Variants in MCF2L2 observed in about 807,000 individuals in gnomAD.
MCF2L2 encodes the protein probable guanine nucleotide exchange factor MCF2L2.
Under a neutral mutation model 150.2 loss-of-function variants are expected in MCF2L2, and 102 were observed. That is an observed-to-expected ratio of 0.68 (90% CI 0.58 to 0.80). The LOEUF is 0.80. Among genes scored for constraint, MCF2L2 ranks in the 30% least tolerant of loss-of-function variants. The pLI, the probability that MCF2L2 is intolerant of heterozygous loss-of-function variation, is 0.00. For synonymous variants in MCF2L2, 465 were observed against 491.3 expected, an observed-to-expected ratio of 0.95 and a Z score of 0.71; for missense variants, 1,256 against 1,372.8, an observed-to-expected ratio of 0.91 and a Z score of 1.34.
chr3:183,180,750 C>T (rs1483088950), intron 27 of MCF2L2, among the ~76,000 whole-genome samples: 2 of 152,240 alleles, frequency 1.3e-5, no homozygotes, highest in Admixed American at 6.5e-5. Context: ...TGAACAACTG[C>T]CCTGTGCCTG....
At chr3:183,272,378 T>C in intron 15 of MCF2L2, 1 of 1,000,244 alleles carries the variant, frequency 1.0e-6, no homozygotes, top group East Asian at 1.1e-4. Context: ...GAGGCACCTG[T>C]TAGGGAAAAT....
intron 3 of MCF2L2, among the ~76,000 whole-genome samples, chr3:183,346,709 A>G (rs1730912677): frequency 6.6e-6 from 1 of 152,238 alleles, no homozygotes; most frequent in African/African-American, 2.4e-5. Context: ...CAACTTCAGC[A>G]AAGTCTCAGG....
Position 183,278,210 on chromosome 3 carries a change from A to T in MCF2L2, c.1777-1253T>A, listed in dbSNP as rs191223658. On this transcript the variant is annotated intron_variant, in intron 14 of 29. Transcript: ENST00000328913. ...AAAGAAAAAATATATATATATATAT[A>T]TTTTTTATTATATTGTTTATTAAAC... Among the ~76,000 whole-genome samples, 1,278 of 146,930 alleles carry T rather than the reference A, an allele frequency of 8.7e-3. 13 individuals are homozygous for T. The highest frequency in any genetic ancestry group is 0.029 in the African/African-American group (1,101 of 38,536).
At chr3:183,341,688 C>G in intron 3 of MCF2L2, 58 bp from the exon 4 acceptor site, 5 of 1,205,272 alleles carry the variant, frequency 4.1e-6, no homozygotes, top group Non-Finnish European at 6.2e-6. Context: ...CTCCATGTGG[C>G]TCCCACAGCA....
chr3:183,400,451 T>A (rs904127106), intron 1 of MCF2L2: 6 of 456,486 alleles, frequency 1.3e-5, no homozygotes, highest in Non-Finnish European at 2.6e-5. Flanking sequence ...AAGGTGAGTA[T>A]CTAGGATCTT....
intron 19 of MCF2L2, among the ~76,000 whole-genome samples, chr3:183,223,646 A>G (rs1438480343): frequency 6.6e-6 from 1 of 152,224 alleles, no homozygotes; most frequent in Non-Finnish European, 1.5e-5. Context: ...GGCTCGGCTA[A>G]TATTTTTACA....
chr3:183,224,401 G>C, intron 18 of MCF2L2: 1 of 508,590 alleles, frequency 2.0e-6, no homozygotes, highest in Non-Finnish European at 3.5e-6. Flanking sequence ...GACATAGATA[G>C]GCACAGAGTG....
At chr3:183,311,424 A>G (rs879161221) in intron 8 of MCF2L2, among the ~76,000 whole-genome samples, 5 of 152,208 alleles carry the variant, frequency 3.3e-5, no homozygotes, top group Non-Finnish European at 7.3e-5. Flanking sequence ...GGGTGGGAAC[A>G]TGTCATATAC....
At chr3:183,215,899 G>T (rs1025961850) in intron 22 of MCF2L2, 70 bp downstream of exon 22, 12 of 1,503,654 alleles carry the variant, frequency 8.0e-6, no homozygotes, top group Non-Finnish European at 1.1e-5. Context: ...CTTTGCCAGA[G>T]CATTTCCTCA....
At chr3:183,331,693 G>A (rs967076214) in intron 5 of MCF2L2, among the ~76,000 whole-genome samples, 51 of 152,138 alleles carry the variant, frequency 3.4e-4, no homozygotes, top group African/African-American at 1.2e-3. Context: ...TATGAGTACA[G>A]CTGTTCCAGA....
chr3:183,230,254 C>T (rs983626608), intron 16 of MCF2L2, among the ~76,000 whole-genome samples: 13 of 152,142 alleles, frequency 8.5e-5, no homozygotes, highest in African/African-American at 2.7e-4. Flanking sequence ...GCTGGAATTA[C>T]AGGCACACAC....
intron 1 of MCF2L2, among the ~76,000 whole-genome samples, chr3:183,423,444 A>G (rs16857455): frequency 6.6e-6 from 1 of 152,098 alleles, no homozygotes; most frequent in African/African-American, 2.4e-5. Flanking sequence ...GTTTCAAAGG[A>G]TATTCTTTTC....
chr3:183,221,137 G>A (rs1723134867), intron 20 of MCF2L2, among the ~76,000 whole-genome samples: 1 of 152,142 alleles, frequency 6.6e-6, no homozygotes, highest in Non-Finnish European at 1.5e-5. Flanking sequence ...TTCTTTGCAG[G>A]CACGTAATGG....
chr3:183,412,272 A>ATTGT lies in MCF2L2; in HGVS notation c.76+15626_76+15629dup, dbSNP rs543942827. Among the ~76,000 whole-genome samples, 91 of 149,920 alleles carry ATTGT rather than the reference A, an allele frequency of 6.1e-4. 1 individual carries two copies. In the South Asian group the frequency reaches 0.014, roughly 23 times the overall value. On this transcript the variant is annotated intron_variant, in intron 1 of 29. Coordinates refer to ENST00000328913, the MANE Select transcript of MCF2L2 (RefSeq NM_015078.4). ...ACAGCTACTTGCAGGCTCTTCTCTAATTGTTTGTTTGTTTGTTTGTTGTTG... is the reference window on the plus strand; with the variant it reads ...ACAGCTACTTGCAGGCTCTTCTCTAATTGTTTGTTTGTTTGTTTGTTTGTTGTTG...
Position 183,276,676 on chromosome 3 carries a change from C to T in MCF2L2, c.1862+196G>A, listed in dbSNP as rs1577015132. 15 of 456,700 alleles carry T rather than the reference C, an allele frequency of 3.3e-5. No individual in the cohort carries two copies. In the East Asian group the frequency reaches 4.8e-4, roughly 15 times the overall value. The allele number at this position is 456,700 out of a possible 1,614,324, so 28.3% of individuals were successfully genotyped here. ...TAGAAGTTTGGTTTCTAAGATGTCA[C>T]TTTAAGCTCTTTTGCTTGTTGCTTT... On this transcript the variant is annotated intron_variant, in intron 15 of 29. Coordinates refer to ENST00000328913, the MANE Select transcript of MCF2L2 (RefSeq NM_015078.4).
chr3:183,295,815 G>A (rs764829556), intron 12 of MCF2L2, among the ~76,000 whole-genome samples: 42 of 152,150 alleles, frequency 2.8e-4, no homozygotes, highest in South Asian at 1.5e-3. Context: ...AAAATTAGCC[G>A]GGTGTGGTGG....
At chr3:183,207,534 T>A in intron 23 of MCF2L2, 74 bp downstream of exon 23, 1 of 1,164,554 alleles carries the variant, frequency 8.6e-7, no homozygotes, top group Non-Finnish European at 1.3e-6. Context: ...AGCTTCCTCA[T>A]CTGTAAAATA....
intron 3 of MCF2L2, among the ~76,000 whole-genome samples, chr3:183,351,190 G>GTATATATATATATATATATATA: frequency 2.6e-5 from 1 of 38,844 alleles, no homozygotes; most frequent in Non-Finnish European, 5.1e-5. Flanking sequence ...ATTTTCTTAA[G>GTATATATATATATATATATATA]TATATATATA....
In MCF2L2 at chr3:183,334,793, C is replaced by CAA. The variant is rs576703262; in HGVS notation, c.486+4005_486+4006dup. 4.1e-4 allele frequency among the ~76,000 whole-genome samples: 36 copies of CAA among 88,550 alleles called. 1 individual carries two copies. The highest frequency in any genetic ancestry group is 9.2e-4 in the East Asian group (3 of 3,264). 58.1% of individuals were successfully genotyped at this position (88,550 alleles called of 152,430 possible). A position where few individuals can be genotyped will look rare whatever the true frequency, so the allele number is the denominator to read the frequency against. On this transcript the variant is annotated intron_variant, in intron 5 of 29. Coordinates refer to ENST00000328913, the MANE Select transcript of MCF2L2 (RefSeq NM_015078.4). ...GGGCGACAAGAGCAAAACTCCATTT[C>CAA]AAAAAAAAAAAAAAAAAAGACAAAG...
Sources: gnomAD v4.1 joint callset for allele counts (sites outside exome capture counted in the v4.1 genomes callset) on GRCh38, gnomAD v4.1.1 for gene constraint, MANE v1.5 for transcripts, NCBI Gene and HGNC (gene_info 2026-07-23, HGNC 2026-07-21) for gene names.